Variants in ANGPTL2 observed in about 807,000 individuals in gnomAD.
ANGPTL2 encodes the protein angiopoietin like 2, also known as angiopoietin-related protein 2.
A neutral mutation model predicts 52.8 loss-of-function variants in ANGPTL2; 25 were observed. The observed-to-expected ratio is 0.47, with a 90% CI of 0.35 to 0.66. The LOEUF is 0.66. ANGPTL2 is among the 30% of genes least tolerant of loss of function. The probability of loss-of-function intolerance (pLI) is 0.01; values close to 1 mark genes in which losing one functional copy is unlikely to be tolerated. For synonymous variants in ANGPTL2, 276 were observed against 277.4 expected (o/e 1.00, Z 0.05); for missense variants, 546 against 656.9 (o/e 0.83, Z 1.84).
intron 1 of ANGPTL2, among the ~76,000 whole-genome samples, chr9:127,112,733 T>C (rs2054968337): frequency 6.6e-6 from 1 of 152,214 alleles, no homozygotes; most frequent in African/African-American, 2.4e-5. Context: ...AATAATGTGT[T>C]AGCAATACGA....
At chr9:127,113,122 A>G (rs1373089145) in intron 1 of ANGPTL2, among the ~76,000 whole-genome samples, 1 of 152,200 alleles carries the variant, frequency 6.6e-6, no homozygotes, top group African/African-American at 2.4e-5. Context: ...AAGGGAAGGA[A>G]CAGGGCACTG....
rs150473817 is a variant in ANGPTL2, at chr9:127,108,012, G to A, written c.720C>T (p.Asn240=). 4.0e-4 allele frequency: 635 copies of A among 1,604,276 alleles called. No individual in the cohort carries two copies. Among genetic ancestry groups the A allele is most frequent in the Non-Finnish European group, 4.9e-4 (579 of 1,173,846 alleles). The change falls in exon 2 of 5, where the codon AAC becomes AAT. Residue 240 remains asparagine, a synonymous_variant. Coordinates refer to ENST00000373425, the MANE Select transcript of ANGPTL2 (RefSeq NM_012098.3). ...TCAGGTTCTGGTCACTCTGGATCTCGTTGGTAGAGATCTGGTTGATGATGC... is the reference window on the plus strand; with the variant it reads ...TCAGGTTCTGGTCACTCTGGATCTCATTGGTAGAGATCTGGTTGATGATGC... The part of the protein sequence containing the change: ...YNRIINQIST[N]EIQSDQNLKV...
intron 2 of ANGPTL2, among the ~76,000 whole-genome samples, chr9:127,098,295 C>A (rs779104631): frequency 1.3e-5 from 2 of 152,208 alleles, no homozygotes; most frequent in Non-Finnish European, 2.9e-5. Flanking sequence ...GAGTACCTAG[C>A]GGTGTTTAAC....
intron 2 of ANGPTL2, among the ~76,000 whole-genome samples, chr9:127,095,151 C>T (rs968188310): frequency 2.6e-5 from 4 of 152,258 alleles, no homozygotes; most frequent in Admixed American, 6.5e-5. Context: ...GTAATCCCAG[C>T]ACTTTGGGAG....
At chr9:127,098,076 C>G (rs2053332908) in intron 2 of ANGPTL2, among the ~76,000 whole-genome samples, 1 of 152,216 alleles carries the variant, frequency 6.6e-6, no homozygotes, top group Non-Finnish European at 1.5e-5. Flanking sequence ...CCAACTAATT[C>G]CTCCTCCACA....
intron 1 of ANGPTL2, among the ~76,000 whole-genome samples, chr9:127,118,213 G>A (rs1409727592): frequency 6.6e-6 from 1 of 152,166 alleles, no homozygotes. Context: ...TGTGGCTTGT[G>A]ATTGATGTGT....
At chr9:127,121,903 A>G (rs2056136264) in intron 1 of ANGPTL2, among the ~76,000 whole-genome samples, 1 of 152,106 alleles carries the variant, frequency 6.6e-6, no homozygotes. Flanking sequence ...TAGGAATCCA[A>G]AGCTTCAAAG....
At chr9:127,100,850 G>A (rs887012138) in intron 2 of ANGPTL2, among the ~76,000 whole-genome samples, 8 of 152,162 alleles carry the variant, frequency 5.3e-5, no homozygotes, top group Admixed American at 3.3e-4. Context: ...AACCTATGTC[G>A]GCTTTCATTG....
In ANGPTL2 at chr9:127,108,707, A is replaced by C. The variant is rs765365728; in HGVS notation, c.25T>G (p.Trp9Gly). The C allele has an allele frequency of 2.5e-6, 4 of 1,612,040 alleles. No individual in the cohort carries two copies. The highest frequency in any genetic ancestry group is 3.3e-5 in the Admixed American group (2 of 59,956). MRPLCVTC[W>G]WLGLLAAMGA... is the part of the protein sequence containing the mutation. ...ATGGCAGCCAGCAGTCCGAGCCACC[A>C]GCATGTCACGCACAGTGGCCTCATG... Residue 9 changes from tryptophan to glycine, a missense_variant, in exon 2 of 5, where the codon TGG becomes GGG. Physicochemically the swap from Trp to Gly is radical, Grantham distance 184. Transcript: ENST00000373425.
intron 4 of ANGPTL2, among the ~76,000 whole-genome samples, chr9:127,089,349 A>G (rs2052167913): frequency 6.6e-6 from 1 of 152,176 alleles, no homozygotes; most frequent in Admixed American, 6.5e-5. Context: ...GTGATCTCAG[A>G]CAAGTGACTT....
intron 1 of ANGPTL2, among the ~76,000 whole-genome samples, chr9:127,114,319 A>C (rs2055175124): frequency 6.6e-6 from 1 of 152,224 alleles, no homozygotes; most frequent in African/African-American, 2.4e-5. Context: ...TGAGGAAACT[A>C]TTGAGATTTG....
chr9:127,088,621 C>T lies in ANGPTL2; in HGVS notation c.*318G>A. 2.5e-6 allele frequency: 1 copy of T among 401,210 alleles called. No homozygotes were observed. Among genetic ancestry groups the T allele is most frequent in the South Asian group, 2.7e-5 (1 of 36,618 alleles). 24.9% of individuals were successfully genotyped at this position (401,210 alleles called of 1,614,324 possible). On this transcript the variant is annotated 3_prime_UTR_variant, in exon 5 of 5. Transcript: ENST00000373425. ...TACGTGCACAAGGGAGGCTCATACA[C>T]ATGTATATTATGAAGGTACTTTGCA... is the stretch of plus-strand genomic sequence containing the variant.
chr9:127,120,767 G>T (rs2055979932), intron 1 of ANGPTL2, among the ~76,000 whole-genome samples: 1 of 151,870 alleles, frequency 6.6e-6, no homozygotes, highest in Non-Finnish European at 1.5e-5. Flanking sequence ...GGCGGAGTTT[G>T]CAGTGAGCCG....
At chr9:127,120,598 C>T (rs1030195436) in intron 1 of ANGPTL2, among the ~76,000 whole-genome samples, 7 of 152,276 alleles carry the variant, frequency 4.6e-5, no homozygotes, top group South Asian at 4.1e-4. Context: ...CCGAGGTGGG[C>T]GGATCACGAG....
At chr9:127,104,595 C>T (rs1257379294) in intron 2 of ANGPTL2, among the ~76,000 whole-genome samples, 1 of 152,260 alleles carries the variant, frequency 6.6e-6, no homozygotes, top group African/African-American at 2.4e-5. Context: ...CCAGGAGCTG[C>T]CTGTGCCTCC....
chr9:127,108,912 T>G (rs2054529823), intron 1 of ANGPTL2, 132 bp from the exon 2 acceptor site: 1 of 664,518 alleles, frequency 1.5e-6, no homozygotes, highest in Non-Finnish European at 2.5e-6. Context: ...CTGGGTTATA[T>G]TCTCTTGGAG....
intron 1 of ANGPTL2, among the ~76,000 whole-genome samples, chr9:127,115,212 G>A (rs2055276323): frequency 1.3e-5 from 2 of 151,920 alleles, no homozygotes; most frequent in South Asian, 4.2e-4. Flanking sequence ...ATTTTGAGAT[G>A]GAGTTTCGCT....
chr9:127,091,550 T>C lies in ANGPTL2; in HGVS notation c.1282+120A>G, dbSNP rs2052474435. The C allele has an allele frequency of 9.4e-6, 13 of 1,388,044 alleles. No homozygotes were observed. The highest frequency in any genetic ancestry group is 1.2e-5 in the Non-Finnish European group (12 of 1,025,776). 86.0% of individuals were successfully genotyped at this position (1,388,044 alleles called of 1,614,324 possible). A position where few individuals can be genotyped will look rare whatever the true frequency, so the allele number is the denominator to read the frequency against. Reference sequence around the variant, plus strand: ...GGGGGTGGTAACAGGGTCAGGCAGCTTGGCCCAGCTGCTTCTCACCCTGGG... The same window carrying C: ...GGGGGTGGTAACAGGGTCAGGCAGCCTGGCCCAGCTGCTTCTCACCCTGGG... On this transcript the variant is annotated intron_variant, in intron 4 of 4. Transcript: ENST00000373425. The surrounding 1 kb of genome is among the most constrained non-coding windows in gnomAD (Gnocchi z 4.3).
At chr9:127,111,599 A>C (rs2054821851) in intron 1 of ANGPTL2, among the ~76,000 whole-genome samples, 1 of 152,226 alleles carries the variant, frequency 6.6e-6, no homozygotes, top group Admixed American at 6.5e-5. Context: ...AGGAGGGCCT[A>C]TGTGTGTATT....
Sources: allele counts gnomAD v4.1 joint callset (sites outside exome capture counted in the v4.1 genomes callset), GRCh38; gene constraint gnomAD v4.1.1; non-coding constraint Gnocchi (gnomAD v3.1); transcripts MANE v1.5; gene names NCBI Gene and HGNC (gene_info 2026-07-23, HGNC 2026-07-21).